Variants in C1orf54 observed in about 807,000 individuals in gnomAD.
The protein encoded by C1orf54 is uncharacterized protein C1orf54.
Under a neutral mutation model 14.7 loss-of-function variants are expected in C1orf54, and 12 were observed. The observed-to-expected ratio is 0.82, with a 90% confidence interval of 0.52 to 1.32. C1orf54 has a LOEUF of 1.32. Ranked by LOEUF, C1orf54 falls within the 40% of genes most tolerant of loss-of-function variation. The probability of loss-of-function intolerance (pLI) is 0.00; values close to 1 mark genes in which losing one functional copy is unlikely to be tolerated. For missense variants in C1orf54, 163 were observed against 162.2 expected, an observed-to-expected ratio of 1.00 and a Z score of -0.03; for synonymous variants, 65 against 56.3, an observed-to-expected ratio of 1.16 and a Z score of -0.70.
At chr1:150,272,699 A>C (rs1652297496), upstream of C1orf54, 3 of 1,000,846 alleles carry the variant, frequency 3.0e-6, no homozygotes, top group East Asian at 7.2e-5. Context: ...GCCCCCTGGG[A>C]GGAGAAGAGT....
At chr1:150,269,578 G>A (rs1237072563), upstream of C1orf54, 3 of 152,198 alleles carry the variant, frequency 2.0e-5, no homozygotes, top group African/African-American at 7.2e-5. Flanking sequence ...GAAATGTTAG[G>A]AAGGCATTTT....
At position 150,279,658 on chromosome 1, in the gene C1orf54, G is replaced by C. The variant is rs782223192; in HGVS notation, c.316G>C (p.Asp106His). The C allele has an allele frequency of 1.2e-6, 2 of 1,612,196 alleles. No individual in the cohort carries two copies. The highest frequency in any genetic ancestry group is 2.7e-5 in the African/African-American group (2 of 74,828). The change falls in exon 5 of 6, where the codon GAT (aspartate) becomes CAT (histidine). Residue 106 changes from aspartate to histidine, a missense_variant. By Grantham distance (81) the Asp-to-His change is moderately conservative (BLOSUM62 -1). Transcript: ENST00000369099. ...ATTTTAGCAGAGTCCAGATCTGAAC[G>C]ATGCCGTGTCCAGTTTGCGAAGTCC... The part of the protein sequence containing the change: ...VTTEPSPDLN[D>H]AVSSLRSPIP...
chr1:150,272,211 T>C (rs1370469858), upstream of C1orf54: 1 of 152,776 alleles, frequency 6.5e-6, no homozygotes, highest in Non-Finnish European at 1.5e-5. Flanking sequence ...GCTGAGAGAC[T>C]TTTAGCTGAA....
upstream of C1orf54, among the ~76,000 whole-genome samples, chr1:150,270,247 C>T (rs138048192): frequency 1.1e-4 from 16 of 152,206 alleles, no homozygotes; most frequent in African/African-American, 3.9e-4. Flanking sequence ...CCTTTCCTTC[C>T]TGGAAGTGAT....
chr1:150,276,401 T>C (rs782161519), intron 3 of C1orf54, 121 bp from the exon 4 acceptor site: 5 of 756,882 alleles, frequency 6.6e-6, no homozygotes, highest in Non-Finnish European at 1.1e-5. Context: ...GGGGAATCCC[T>C]GAGCTTAAGT....
chr1:150,273,326 G>A (rs1553851691), intron 1 of C1orf54, among the ~76,000 whole-genome samples: 2 of 152,214 alleles, frequency 1.3e-5, no homozygotes, highest in East Asian at 3.8e-4. Flanking sequence ...CAGGGACAGG[G>A]TCCCAAGAGT....
At chr1:150,275,666 T>C (rs1374284716) in intron 2 of C1orf54, 75 bp from the exon 3 acceptor site, 2 of 1,206,910 alleles carry the variant, frequency 1.7e-6, no homozygotes, top group South Asian at 1.3e-5. Context: ...TTCTGAGTAA[T>C]TTCTTCCCTT....
Position 150,276,525 on chromosome 1 carries a change from AG to A in C1orf54, c.195del (p.Arg65SerfsTer6). 11 of 1,612,408 alleles carry A rather than the reference AG, an allele frequency of 6.8e-6. No individual in the cohort carries two copies. The highest frequency in any genetic ancestry group is 9.3e-6 in the Non-Finnish European group (11 of 1,178,422). On this transcript the variant is annotated frameshift_variant, in exon 4 of 6. Transcript: ENST00000369099. LOFTEE classifies it high-confidence loss of function. ...TCCCAAATCCTACTGAGGGTAGAAC[AG>A]GTTGGATAAGGACATAACAGAAGCA... is the stretch of plus-strand genomic sequence containing the variant. ...SIFESEDRLN[R>X]LDKDITEAIE...
chr1:150,276,387 TA>T, intron 3 of C1orf54, 134 bp from the exon 4 acceptor site: 1 of 679,410 alleles, frequency 1.5e-6, no homozygotes, highest in Admixed American at 2.4e-5. Flanking sequence ...AAGCATAGGG[TA>T]GGGGGGAATC....
upstream of C1orf54, chr1:150,268,877 T>A: frequency 7.0e-7 from 1 of 1,433,632 alleles, no homozygotes; most frequent in Admixed American, 2.0e-5. Context: ...GCGCGCCAGC[T>A]GGGGAGTCCG....
rs1202458096 is a variant in C1orf54, at chr1:150,272,840, T to A, written c.23T>A (p.Ile8Asn). Residue 8 changes from isoleucine to asparagine, a missense_variant, in exon 1 of 6, where the codon ATC becomes AAC. Physicochemically the swap from Ile to Asn is moderately radical, Grantham distance 149 (BLOSUM62 -3). Transcript: ENST00000369099. ...AGAATGGATGTCCTCTTTGTAGCCA[T>A]CTTTGCTGTGCCACTTATCCTGGGT... MDVLFVA[I>N]FAVPLILGQE... is the part of the protein sequence containing the mutation. 6.2e-7 allele frequency: 1 copy of A among 1,614,082 alleles called. No homozygotes were observed. Among genetic ancestry groups the A allele is most frequent in the Non-Finnish European group, 8.5e-7 (1 of 1,180,046 alleles).
At chr1:150,270,995 C>CAA (rs782157892), upstream of C1orf54, among the ~76,000 whole-genome samples, 82,661 of 94,530 alleles carry the variant, frequency 0.87, 36,612 homozygotes, top group East Asian at 0.92. Flanking sequence ...GACTCCGTCT[C>CAA]AAAAAAAAAA....
At position 150,276,596 on chromosome 1, in the gene C1orf54, G is replaced by A. The variant is rs139591160; in HGVS notation, c.264G>A (p.Pro88=). The change falls in exon 4 of 6, where the codon CCG becomes CCA. Residue 88 remains proline (P), a synonymous_variant. Transcript: ENST00000369099. ...TTGAAACAGCACGTGCAGACCATCC[G>A]AAGCCTGTAACTGTGAAACCAGTAA... ...ISLETARADH[P]KPVTVKPVTT... 4.4e-3 allele frequency: 7,063 copies of A among 1,614,096 alleles called. 24 individuals are homozygous for A. Among genetic ancestry groups the A allele is most frequent in the Middle Eastern group, 0.014 (86 of 6,062 alleles).
Position 150,276,555 on chromosome 1 carries a change from G to C in C1orf54, c.223G>C (p.Glu75Gln). The change falls in exon 4 of 6, where the codon GAG becomes CAG. Residue 75 changes from glutamate to glutamine, a missense_variant. Glu to Gln is a conservative substitution (Grantham distance 29, BLOSUM62 2). Coordinates refer to ENST00000369099, the MANE Select transcript of C1orf54 (RefSeq NM_024579.4). ...GGATAAGGACATAACAGAAGCAATA[G>C]AGACTACCATTAGTCTTGAAACAGC... ...RLDKDITEAI[E>Q]TTISLETARA... 6.2e-7 allele frequency: 1 copy of C among 1,614,032 alleles called. No individual in the cohort carries two copies. Among genetic ancestry groups the C allele is most frequent in the Non-Finnish European group, 8.5e-7 (1 of 1,179,928 alleles).
At chr1:150,268,988 G>C (rs200984615), upstream of C1orf54, 1 of 570,170 alleles carries the variant, frequency 1.8e-6, no homozygotes, top group Non-Finnish European at 3.1e-6. Context: ...ATGAAGGTCC[G>C]CGCCACTTCC....
rs1239237327 is a variant in C1orf54 at position 150,279,861 on chromosome 1, T to A, written c.*3+120T>A. The stretch of plus-strand genomic sequence containing the variant: ...TTAGTGTTTCCAGCCTGGTCAATTA[T>A]CAGCCACTGAAGGAAGAGATTTAGG... On this transcript the variant is annotated intron_variant, in intron 5 of 5. Transcript: ENST00000369099. 3 of 854,200 alleles carry A rather than the reference T, an allele frequency of 3.5e-6. No individual in the cohort carries two copies. In the African/African-American group the frequency reaches 5.1e-5, roughly 15 times the overall value. The allele number at this position is 854,200 out of a possible 1,614,324, so 52.9% of individuals were successfully genotyped here. A position where few individuals can be genotyped will look rare whatever the true frequency, so the allele number is the denominator to read the frequency against.
chr1:150,278,863 C>T (rs997681169), intron 4 of C1orf54, among the ~76,000 whole-genome samples: 4 of 152,084 alleles, frequency 2.6e-5, no homozygotes, highest in Non-Finnish European at 5.9e-5. Flanking sequence ...AGAGAAGCAA[C>T]GGCTGGAAAG....
In C1orf54 at chr1:150,278,437, G is replaced by C. The variant is rs1652840422; in HGVS notation, c.301-1206G>C. Among the ~76,000 whole-genome samples, 6 of 152,188 alleles carry C rather than the reference G, an allele frequency of 3.9e-5. No homozygotes were observed. In the South Asian group the frequency reaches 1.2e-3, roughly 31 times the overall value. On this transcript the variant is annotated intron_variant, in intron 4 of 5. Transcript: ENST00000369099. ...GCTGAGTTTATGGTGACAGCCCTATGAGGGTGTCCTAAAGGTCACTGAACT... is the reference window on the plus strand; with the variant it reads ...GCTGAGTTTATGGTGACAGCCCTATCAGGGTGTCCTAAAGGTCACTGAACT...
At chr1:150,268,878 G>A (rs1651996873), upstream of C1orf54, 3 of 1,435,962 alleles carry the variant, frequency 2.1e-6, no homozygotes, top group African/African-American at 2.8e-5. Context: ...CGCGCCAGCT[G>A]GGGAGTCCGC....
Sources: gnomAD v4.1 joint callset for allele counts (sites outside exome capture counted in the v4.1 genomes callset) on GRCh38, gnomAD v4.1.1 for gene constraint, MANE v1.5 for transcripts, NCBI Gene and HGNC (gene_info 2026-07-23, HGNC 2026-07-21) for gene names.